FBLN5: variants seen among roughly 807,000 people sequenced by gnomAD.
FBLN5 encodes fibulin 5.
A neutral mutation model predicts 61.6 loss-of-function variants in FBLN5; 24 were observed. That is an observed-to-expected ratio of 0.39 (90% CI 0.28 to 0.55). FBLN5 has a LOEUF of 0.55. Ranked by LOEUF, FBLN5 falls within the 20% of genes least tolerant of loss-of-function variation. The pLI is 0.65. For missense variants in FBLN5, 470 were observed against 594.1 expected (o/e 0.79, Z 2.17); for synonymous variants, 213 against 219.8 (o/e 0.97, Z 0.27).
intron 4 of FBLN5, among the ~76,000 whole-genome samples, chr14:91,903,767 T>C (rs1890559240): frequency 6.6e-6 from 1 of 152,156 alleles, no homozygotes; most frequent in South Asian, 2.1e-4. Context: ...TCTCATACAA[T>C]TGCCATGGCC....
At chr14:91,936,037 T>C (rs2056009352) in intron 4 of FBLN5, among the ~76,000 whole-genome samples, 1 of 152,182 alleles carries the variant, frequency 6.6e-6, no homozygotes, top group African/African-American at 2.4e-5. Context: ...CATATAAGCA[T>C]ATAGAAGACA....
rs151246826 is a variant in FBLN5, at chr14:91,943,948, A to T, written c.18-987T>A. 2.6e-3 allele frequency among the ~76,000 whole-genome samples: 390 copies of T among 152,300 alleles called. 2 individuals are homozygous for T. The highest frequency in any genetic ancestry group is 9.0e-3 in the African/African-American group (373 of 41,562). The stretch of plus-strand genomic sequence containing the variant: ...TGGGCTCAGTTCTGCCATGCACAAG[A>T]CAGTGATGCTCTGGGAGTCTGCAAC... On this transcript the variant is annotated intron_variant, in intron 1 of 10. Coordinates refer to ENST00000342058, the MANE Select transcript of FBLN5 (RefSeq NM_006329.4). This position sits in a 1 kb window ranked among gnomAD's most constrained non-coding sequence, Gnocchi z 4.0.
chr14:91,947,153 C>T lies in FBLN5; in HGVS notation c.17+60G>A. 1 of 1,612,006 alleles carries T rather than the reference C, an allele frequency of 6.2e-7. No individual in the cohort carries two copies. Among genetic ancestry groups the T allele is most frequent in the Non-Finnish European group, 8.5e-7 (1 of 1,178,270 alleles). On this transcript the variant is annotated intron_variant, in intron 1 of 10. Coordinates refer to ENST00000342058, the MANE Select transcript of FBLN5 (RefSeq NM_006329.4). This position sits in a 1 kb window ranked among gnomAD's most constrained non-coding sequence, Gnocchi z 4.3. ...GCAGCCATAACCATTTTCCACCCAT[C>T]GGATTTTTAGCAAGGCTTCCAGACC...
At chr14:91,917,599 AAG>A (rs1891251583) in intron 4 of FBLN5, among the ~76,000 whole-genome samples, 1 of 150,552 alleles carries the variant, frequency 6.6e-6, no homozygotes, top group African/African-American at 2.4e-5. Flanking sequence ...AAAAAAAAAA[AAG>A]AAAGAAAGAA....
chr14:91,871,651 G>A (rs1463381364), intron 10 of FBLN5, among the ~76,000 whole-genome samples: 1 of 152,154 alleles, frequency 6.6e-6, no homozygotes, highest in Non-Finnish European at 1.5e-5. Context: ...GAGGCCAGGA[G>A]TTGGAGACCA....
chr14:91,944,448 C>A (rs888640815), intron 1 of FBLN5, among the ~76,000 whole-genome samples: 8 of 152,142 alleles, frequency 5.3e-5, no homozygotes, highest in African/African-American at 1.9e-4. Context: ...CATTCTACTT[C>A]TAGGTATATA....
chr14:91,902,269 G>T (rs889403437), intron 4 of FBLN5, among the ~76,000 whole-genome samples: 1 of 86,464 alleles, frequency 1.2e-5, no homozygotes, highest in African/African-American at 3.6e-5. Flanking sequence ...GGGTTTTTTT[G>T]TTTGTTTGTT....
chr14:91,915,982 G>T (rs1891183657), intron 4 of FBLN5, among the ~76,000 whole-genome samples: 1 of 152,070 alleles, frequency 6.6e-6, no homozygotes, highest in Non-Finnish European at 1.5e-5. Context: ...AGACATTAAT[G>T]ACAAAAATCC....
chr14:91,911,213 G>A lies in FBLN5; in HGVS notation c.380-16141C>T, dbSNP rs187062647. 8.5e-5 allele frequency among the ~76,000 whole-genome samples: 13 copies of A among 152,254 alleles called. No homozygotes were observed. The East Asian group carries it at 1.4e-3, about 16-fold the overall frequency. Reference sequence around the variant, plus strand: ...TTGGCCAGGCTGGTCACAAACTCCAGACCTCCAGTGATCCGCCCACCTCAG... The same window carrying A: ...TTGGCCAGGCTGGTCACAAACTCCAAACCTCCAGTGATCCGCCCACCTCAG... On this transcript the variant is annotated intron_variant, in intron 4 of 10. Transcript: ENST00000342058.
intron 10 of FBLN5, among the ~76,000 whole-genome samples, chr14:91,871,355 C>T (rs912880948): frequency 1.2e-4 from 18 of 151,860 alleles, no homozygotes; most frequent in African/African-American, 4.4e-4. Context: ...AATTTAAGAA[C>T]CCCCCTCTAG....
chr14:91,891,905 G>C (rs2267995), intron 5 of FBLN5, among the ~76,000 whole-genome samples: 44,766 of 152,060 alleles, frequency 0.29, 8,068 homozygotes, highest in East Asian at 0.45. Context: ...AGTTAGGCTG[G>C]GATGAGCTGG....
chr14:91,880,165 T>C (rs988962943), intron 9 of FBLN5, among the ~76,000 whole-genome samples: 1 of 152,062 alleles, frequency 6.6e-6, no homozygotes, highest in African/African-American at 2.4e-5. Flanking sequence ...CTCCAGCACC[T>C]CAATACTCAA....
At position 91,928,414 on chromosome 14, in the gene FBLN5, A is replaced by G. The variant is rs1298717271; in HGVS notation, c.379+8533T>C. Among the ~76,000 whole-genome samples the G allele has an allele frequency of 3.3e-5, 5 of 152,252 alleles. No homozygotes were observed. The East Asian group carries it at 5.8e-4, about 18-fold the overall frequency. On this transcript the variant is annotated intron_variant, in intron 4 of 10. Coordinates refer to ENST00000342058, the MANE Select transcript of FBLN5 (RefSeq NM_006329.4). The stretch of plus-strand genomic sequence containing the variant: ...AGAATAATGCCCTAAATTGCATAAA[A>G]TAAAACTCAGAGGATTACGAAAGAA...
chr14:91,923,629 C>T (rs1191083892), intron 4 of FBLN5, among the ~76,000 whole-genome samples: 1 of 152,196 alleles, frequency 6.6e-6, no homozygotes, highest in East Asian at 1.9e-4. Flanking sequence ...ATTCACATTC[C>T]TCGTGGGCAC....
chr14:91,906,283 A>G (rs1415904198), intron 4 of FBLN5, among the ~76,000 whole-genome samples: 1 of 152,054 alleles, frequency 6.6e-6, no homozygotes, highest in East Asian at 1.9e-4. Context: ...CCTGCTCCTC[A>G]TCTCTAGGAG....
chr14:91,944,060 T>C (rs1054165160), intron 1 of FBLN5, among the ~76,000 whole-genome samples: 3 of 152,152 alleles, frequency 2.0e-5, no homozygotes, highest in Non-Finnish European at 4.4e-5. Flanking sequence ...CCGGGTGTGG[T>C]GGCTCATGCC....
intron 7 of FBLN5, 47 bp from the exon 8 acceptor site, chr14:91,883,123 G>C: frequency 6.2e-7 from 1 of 1,609,280 alleles, no homozygotes; most frequent in Non-Finnish European, 8.5e-7. Context: ...AGTCTACATG[G>C]GGATGGGAGC....
intron 4 of FBLN5, among the ~76,000 whole-genome samples, chr14:91,896,483 C>G (rs1053645440): frequency 6.6e-6 from 1 of 152,146 alleles, no homozygotes; most frequent in African/African-American, 2.4e-5. Flanking sequence ...ATACTGAAAG[C>G]TGCAATTCAC....
At chr14:91,922,274 C>T (rs996733205) in intron 4 of FBLN5, among the ~76,000 whole-genome samples, 2 of 151,240 alleles carry the variant, frequency 1.3e-5, no homozygotes, top group Non-Finnish European at 2.9e-5. Context: ...GCCTGGGTGA[C>T]AGAGCAAGAC....
Sources: gnomAD v4.1 joint callset for allele counts (sites outside exome capture counted in the v4.1 genomes callset) on GRCh38, gnomAD v4.1.1 for gene constraint, Gnocchi (gnomAD v3.1) non-coding constraint, MANE v1.5 for transcripts, NCBI Gene and HGNC (gene_info 2026-07-23, HGNC 2026-07-21) for gene names.